Variants in RPS6KC1 observed in about 807,000 individuals in gnomAD.
RPS6KC1 encodes the protein ribosomal protein S6 kinase C1.
A neutral mutation model predicts 103.8 loss-of-function variants in RPS6KC1; 54 were observed. That is an observed-to-expected ratio of 0.52 (90% CI 0.42 to 0.65). The LOEUF (loss-of-function observed/expected upper bound fraction) is 0.65. RPS6KC1 is among the 30% of genes least tolerant of loss of function. RPS6KC1 has a pLI of 0.00. For synonymous variants in RPS6KC1, 439 were observed against 438.7 expected (o/e 1.00, Z -0.01); for missense variants, 1,151 against 1,253.8 (o/e 0.92, Z 1.24).
the RPS6KC1 span, among the ~76,000 whole-genome samples, chr1:213,587,412 G>A: frequency 6.6e-6 from 1 of 152,210 alleles, no homozygotes; most frequent in Non-Finnish European, 1.5e-5. Context: ...GCTGGAGATG[G>A]AGTGGGGCAA....
intron 5 of RPS6KC1, among the ~76,000 whole-genome samples, chr1:213,127,772 G>C (rs1271643405): frequency 1.3e-5 from 2 of 152,186 alleles, no homozygotes; most frequent in Non-Finnish European, 2.9e-5. Context: ...TTAGTTTTCT[G>C]ATGAGATTGG....
the RPS6KC1 span, among the ~76,000 whole-genome samples, chr1:213,493,664 C>T: frequency 6.6e-6 from 1 of 152,216 alleles, no homozygotes; most frequent in Admixed American, 6.5e-5. Flanking sequence ...GATATCTTCT[C>T]TTCTCCTACT....
At chr1:213,487,836 ATGT>A in the RPS6KC1 span, among the ~76,000 whole-genome samples, 2 of 152,096 alleles carry the variant, frequency 1.3e-5, no homozygotes, top group African/African-American at 4.8e-5. Context: ...TAAGAATATG[ATGT>A]TATTATTATT....
chr1:213,566,746 G>C, the RPS6KC1 span, among the ~76,000 whole-genome samples: 1 of 149,306 alleles, frequency 6.7e-6, no homozygotes, highest in Non-Finnish European at 1.5e-5. Flanking sequence ...GTTTTTTTTT[G>C]TTTCTAGAAA....
In RPS6KC1 at chr1:213,091,784, G is replaced by A. The variant is rs575118207; in HGVS notation, c.263-12670G>A. On this transcript the variant is annotated intron_variant, in intron 3 of 14. Coordinates refer to ENST00000366960, the MANE Select transcript of RPS6KC1 (RefSeq NM_012424.6). ...TTGGTTATTTTCCTTGAATTGTTAGGCCCAGTTGTTTATGTTTGAGAAAAT... is the reference window on the plus strand; with the variant it reads ...TTGGTTATTTTCCTTGAATTGTTAGACCCAGTTGTTTATGTTTGAGAAAAT... Among the ~76,000 whole-genome samples, 4 of 152,166 alleles carry A rather than the reference G, an allele frequency of 2.6e-5. No homozygotes were observed. The South Asian group carries it at 8.3e-4, about 32-fold the overall frequency.
the RPS6KC1 span, among the ~76,000 whole-genome samples, chr1:213,333,693 G>C: frequency 6.6e-6 from 1 of 152,026 alleles, no homozygotes; most frequent in Non-Finnish European, 1.5e-5. Context: ...GAATCTCGCT[G>C]TGTCACCCAG....
the RPS6KC1 span, among the ~76,000 whole-genome samples, chr1:213,833,402 A>G: frequency 6.6e-6 from 1 of 152,182 alleles, no homozygotes; most frequent in Non-Finnish European, 1.5e-5. Context: ...AATCATTTCT[A>G]TCATTCCTAT....
chr1:213,212,554 G>C (rs572270470), intron 8 of RPS6KC1, among the ~76,000 whole-genome samples: 5 of 152,148 alleles, frequency 3.3e-5, no homozygotes, highest in Non-Finnish European at 7.4e-5. Flanking sequence ...CATGTGCAGG[G>C]GTTTTTGTGG....
At chr1:213,815,544 T>C in the RPS6KC1 span, among the ~76,000 whole-genome samples, 1 of 151,978 alleles carries the variant, frequency 6.6e-6, no homozygotes, top group Non-Finnish European at 1.5e-5. Context: ...AATTTAAAAA[T>C]AGGAGTTCAA....
the RPS6KC1 span, among the ~76,000 whole-genome samples, chr1:213,849,487 C>G: frequency 6.6e-6 from 1 of 152,182 alleles, no homozygotes; most frequent in Non-Finnish European, 1.5e-5. Context: ...GGGTTTATTT[C>G]TGATTCTACC....
the RPS6KC1 span, among the ~76,000 whole-genome samples, chr1:213,417,904 G>A: frequency 1.5e-4 from 23 of 152,104 alleles, no homozygotes; most frequent in Admixed American, 1.2e-3. Context: ...AGGTGATACC[G>A]GTCATTAAAT....
At chr1:213,567,846 G>A in the RPS6KC1 span, among the ~76,000 whole-genome samples, 1 of 152,190 alleles carries the variant, frequency 6.6e-6, no homozygotes, top group South Asian at 2.1e-4. Flanking sequence ...TGTCTTGCAA[G>A]GCTAGAGAAA....
chr1:213,294,735 C>T, the RPS6KC1 span, among the ~76,000 whole-genome samples: 1 of 152,188 alleles, frequency 6.6e-6, no homozygotes, highest in South Asian at 2.1e-4. Flanking sequence ...TGTTCATCTT[C>T]TTGACTTACC....
chr1:213,787,008 G>A, the RPS6KC1 span, among the ~76,000 whole-genome samples: 1 of 152,160 alleles, frequency 6.6e-6, no homozygotes, highest in Non-Finnish European at 1.5e-5. Context: ...AGATTTGATG[G>A]GGAGACAAAG....
chr1:213,190,086 G>C (rs901226189), intron 8 of RPS6KC1, among the ~76,000 whole-genome samples: 1 of 152,082 alleles, frequency 6.6e-6, no homozygotes, highest in Non-Finnish European at 1.5e-5. Context: ...TCAAATCTTG[G>C]CTATTGTGAA....
chr1:213,601,804 G>A, the RPS6KC1 span, among the ~76,000 whole-genome samples: 1 of 151,876 alleles, frequency 6.6e-6, no homozygotes, highest in Non-Finnish European at 1.5e-5. Flanking sequence ...CTAAGAGGCT[G>A]GAGAAAAATT....
At chr1:213,291,334 GA>G in the RPS6KC1 span, among the ~76,000 whole-genome samples, 9 of 152,320 alleles carry the variant, frequency 5.9e-5, no homozygotes, top group South Asian at 2.1e-4. Context: ...CTCTCTGCAA[GA>G]GGATGAAATC....
chr1:213,399,611 G>T, the RPS6KC1 span, among the ~76,000 whole-genome samples: 327 of 152,120 alleles, frequency 2.1e-3, 1 homozygote, highest in Non-Finnish European at 3.6e-3. Context: ...TCCAGACCTC[G>T]AACTGACAGC....
At chr1:213,533,985 G>A in the RPS6KC1 span, among the ~76,000 whole-genome samples, 4 of 152,218 alleles carry the variant, frequency 2.6e-5, no homozygotes, top group African/African-American at 9.6e-5. Flanking sequence ...CTCCTTCCCT[G>A]TTCTATGATT....
Sources: gnomAD v4.1 joint callset for allele counts (sites outside exome capture counted in the v4.1 genomes callset) on GRCh38, gnomAD v4.1.1 for gene constraint, MANE v1.5 for transcripts, NCBI Gene and HGNC (gene_info 2026-07-23, HGNC 2026-07-21) for gene names.